CTNNA2: variants seen among roughly 807,000 people sequenced by gnomAD.
CTNNA2 encodes the protein catenin alpha 2, also known as catenin alpha-2.
A neutral mutation model predicts 101.0 loss-of-function variants in CTNNA2; 42 were observed. The ratio of observed to expected loss-of-function variants is 0.42; its 90% confidence interval spans 0.32 to 0.54. The LOEUF (loss-of-function observed/expected upper bound fraction) is 0.54, where lower values mean the gene tolerates loss of function less well. CTNNA2 is among the 20% of genes least tolerant of loss of function. CTNNA2 has a pLI of 0.14. For synonymous variants in CTNNA2, 450 were observed against 456.4 expected, an observed-to-expected ratio of 0.99 and a Z score of 0.18; for missense variants, 871 against 1,223.1, an observed-to-expected ratio of 0.71 and a Z score of 4.29.
In CTNNA2 at chr2:80,128,526, A is replaced by C. The variant is rs574534951; in HGVS notation, c.1056+218729A>C. Among the ~76,000 whole-genome samples, 3 of 152,270 alleles carry C rather than the reference A, an allele frequency of 2.0e-5. No homozygotes were observed. The South Asian group carries it at 6.2e-4, about 32-fold the overall frequency. On this transcript the variant is annotated intron_variant, in intron 7 of 18. Transcript: ENST00000402739. ...GTGTTTTCAAAGCAACGTAAGTTAA[A>C]AGACGGATAAATAATGGGCCAATGT... is the stretch of plus-strand genomic sequence containing the variant.
chr2:79,526,427 T>C (rs1447020387), intron 1 of CTNNA2, among the ~76,000 whole-genome samples: 1 of 151,192 alleles, frequency 6.6e-6, no homozygotes, highest in Non-Finnish European at 1.5e-5. Context: ...AGAGATTCAA[T>C]GCTATTGCTG....
intron 6 of CTNNA2, among the ~76,000 whole-genome samples, chr2:79,887,317 T>C (rs1404827123): frequency 2.0e-5 from 3 of 152,176 alleles, no homozygotes; most frequent in Middle Eastern, 3.2e-3. Context: ...GTCATGAGAA[T>C]TGTACTTTTT....
chr2:80,413,500 C>T (rs1202404200), intron 8 of CTNNA2, among the ~76,000 whole-genome samples: 1 of 152,176 alleles, frequency 6.6e-6, no homozygotes, highest in Non-Finnish European at 1.5e-5. Context: ...TGCTCCCACC[C>T]CAACCTGAAC....
chr2:79,511,994 A>G (rs1671557056), upstream of CTNNA2, among the ~76,000 whole-genome samples: 1 of 152,164 alleles, frequency 6.6e-6, no homozygotes, highest in Non-Finnish European at 1.5e-5. Flanking sequence ...CTCTCTCTTG[A>G]TTTAAAACAA....
intron 3 of CTNNA2, among the ~76,000 whole-genome samples, chr2:79,809,234 G>A (rs1250916827): frequency 2.6e-5 from 4 of 152,260 alleles, no homozygotes; most frequent in African/African-American, 7.2e-5. Context: ...ATTGTAAATG[G>A]TGCTGTGATA....
chr2:79,813,534 A>G (rs1677215884), intron 3 of CTNNA2, among the ~76,000 whole-genome samples: 3 of 152,178 alleles, frequency 2.0e-5, no homozygotes, highest in Non-Finnish European at 2.9e-5. Context: ...GAAATGGGGA[A>G]TATAATGATG....
intron 7 of CTNNA2, among the ~76,000 whole-genome samples, chr2:80,282,648 G>A (rs1045172086): frequency 6.6e-5 from 10 of 152,064 alleles, no homozygotes; most frequent in African/African-American, 2.4e-4. Flanking sequence ...ATATGTATGT[G>A]TTTAATCAGT....
chr2:80,538,480 G>T (rs907043275), intron 9 of CTNNA2, among the ~76,000 whole-genome samples: 7 of 152,282 alleles, frequency 4.6e-5, no homozygotes, highest in Non-Finnish European at 8.8e-5. Context: ...ATTAAATGGG[G>T]AATCCTTTCC....
intron 3 of CTNNA2, among the ~76,000 whole-genome samples, chr2:79,749,284 A>G (rs1398095311): frequency 1.3e-5 from 2 of 152,102 alleles, no homozygotes. Context: ...TCATTCTCGG[A>G]GTATGCGTAA....
At chr2:79,815,118 G>C (rs1677382811) in intron 3 of CTNNA2, among the ~76,000 whole-genome samples, 1 of 151,944 alleles carries the variant, frequency 6.6e-6, no homozygotes. Flanking sequence ...CTTTTGATGG[G>C]ATTATTTTAT....
chr2:80,113,967 G>T (rs529553527), intron 7 of CTNNA2, among the ~76,000 whole-genome samples: 4 of 152,246 alleles, frequency 2.6e-5, no homozygotes, highest in Admixed American at 6.5e-5. Flanking sequence ...CTACTTAAAA[G>T]AATTTTGTTT....
chr2:80,040,978 A>G (rs534377043), intron 7 of CTNNA2, among the ~76,000 whole-genome samples: 3 of 152,154 alleles, frequency 2.0e-5, no homozygotes, highest in Admixed American at 6.5e-5. Flanking sequence ...ATTACAGTCA[A>G]TCCACACAAT....
chr2:80,346,759 A>C (rs947354639), intron 7 of CTNNA2, among the ~76,000 whole-genome samples: 1 of 152,228 alleles, frequency 6.6e-6, no homozygotes, highest in Non-Finnish European at 1.5e-5. Flanking sequence ...CTACAAGATC[A>C]TGTTTGAAAG....
At chr2:80,155,289 G>A (rs966892799) in intron 7 of CTNNA2, among the ~76,000 whole-genome samples, 5 of 152,210 alleles carry the variant, frequency 3.3e-5, no homozygotes, top group Non-Finnish European at 7.3e-5. Flanking sequence ...GCTGAAAACA[G>A]GAGTGATAGT....
At chr2:80,091,025 G>T (rs905438987) in intron 7 of CTNNA2, among the ~76,000 whole-genome samples, 10 of 152,064 alleles carry the variant, frequency 6.6e-5, no homozygotes, top group African/African-American at 2.4e-4. Context: ...TCTTCACAGA[G>T]ATTTGGAATT....
At chr2:79,853,030 C>A (rs62141577) in intron 3 of CTNNA2, among the ~76,000 whole-genome samples, 32,218 of 151,798 alleles carry the variant, frequency 0.21, 4,148 homozygotes, top group Non-Finnish European at 0.3. Flanking sequence ...GCACGCCTGG[C>A]TAATTTTTTG....
chr2:80,535,432 G>A (rs1375332954), intron 9 of CTNNA2, among the ~76,000 whole-genome samples: 1 of 151,988 alleles, frequency 6.6e-6, no homozygotes, highest in East Asian at 1.9e-4. Context: ...TGGGTGCTGG[G>A]TTAACTAATC....
chr2:79,194,767 A>G (rs1364774297), intron 1 of CTNNA2, among the ~76,000 whole-genome samples: 2 of 152,158 alleles, frequency 1.3e-5, no homozygotes, highest in African/African-American at 2.4e-5. Context: ...TTCCACCTTC[A>G]GAGAAATTTG....
chr2:80,130,772 A>G (rs1213606732), intron 7 of CTNNA2, among the ~76,000 whole-genome samples: 1 of 151,318 alleles, frequency 6.6e-6, no homozygotes, highest in African/African-American at 2.4e-5. Flanking sequence ...TAATTTTCTG[A>G]TATAAAGTTG....
Sources: allele counts gnomAD v4.1 joint callset (sites outside exome capture counted in the v4.1 genomes callset), GRCh38; gene constraint gnomAD v4.1.1; transcripts MANE v1.5; gene names NCBI Gene and HGNC (gene_info 2026-07-23, HGNC 2026-07-21).